CSF2RA: variants seen among roughly 807,000 people sequenced by gnomAD.
CSF2RA encodes colony stimulating factor 2 receptor subunit alpha.
CSF2RA carries 42 observed loss-of-function variants against 51.6 expected under a neutral mutation model. That is an observed-to-expected ratio of 0.81 (90% confidence interval 0.64 to 1.05). The LOEUF (loss-of-function observed/expected upper bound fraction) is 1.05. CSF2RA is among the 50% of genes least tolerant of loss of function. CSF2RA has a pLI of 0.00. For synonymous variants in CSF2RA, 222 were observed against 193.0 expected (o/e 1.15, Z -1.24); for missense variants, 530 against 501.1 (o/e 1.06, Z -0.55).
chrX:1,279,475 C>G (rs1480234194), intron 2 of CSF2RA, among the ~76,000 whole-genome samples: 3 of 152,014 alleles, frequency 2.0e-5, no homozygotes, highest in African/African-American at 7.2e-5. Context: ...CACCTGTTAC[C>G]ACCACCTGGG....
intron 9 of CSF2RA, among the ~76,000 whole-genome samples, chrX:1,295,883 C>A: frequency 7.8e-6 from 1 of 128,226 alleles, no homozygotes. Context: ...CTACAGTCCC[C>A]TACTCATGAC....
intron 2 of CSF2RA, among the ~76,000 whole-genome samples, chrX:1,280,892 C>CCTCCTCCTCCTTCTCCTT: frequency 7.4e-6 from 1 of 135,968 alleles, no homozygotes; most frequent in Non-Finnish European, 1.6e-5. Context: ...TCCTTCTCCT[C>CCTCCTCCTCCTTCTCCTT]CTCCTCCTCC....
At chrX:1,319,047 G>T in the CSF2RA span, among the ~76,000 whole-genome samples, 1 of 137,636 alleles carries the variant, frequency 7.3e-6, no homozygotes, top group Non-Finnish European at 1.7e-5. Flanking sequence ...CCAGGCTGGA[G>T]TACAGTGGCA....
intron 1 of CSF2RA, among the ~76,000 whole-genome samples, chrX:1,270,582 A>G (rs1238309483): frequency 1.3e-5 from 2 of 151,856 alleles, no homozygotes; most frequent in African/African-American, 4.8e-5. Flanking sequence ...CACACTATGA[A>G]AGCTTTTGTT....
At chrX:1,286,119 A>G (rs1175337684) in intron 4 of CSF2RA, among the ~76,000 whole-genome samples, 199 bp downstream of exon 4, 6 of 151,740 alleles carry the variant, frequency 4.0e-5, no homozygotes, top group African/African-American at 1.5e-4. Context: ...CTACAAATAC[A>G]AAATTAGCCG....
At position 1,277,534 on chromosome X, in the gene CSF2RA, T is replaced by G. The variant is rs781335580; in HGVS notation, c.-27+2716T>G. On this transcript the variant is annotated intron_variant, in intron 2 of 12. Coordinates refer to ENST00000381529, the MANE Select transcript of CSF2RA (RefSeq NM_172245.4). ...TGGCGTGAACCCGGGAGGCGATGCTTGCAGTGAGTGGAGATCATGCCACTA... is the reference window on the plus strand; with the variant it reads ...TGGCGTGAACCCGGGAGGCGATGCTGGCAGTGAGTGGAGATCATGCCACTA... Among the ~76,000 whole-genome samples the G allele has an allele frequency of 2.3e-5, 3 of 130,664 alleles. No homozygotes were observed. The South Asian group carries it at 7.4e-4, about 32-fold the overall frequency. 85.7% of individuals were successfully genotyped at this position (130,664 alleles called of 152,430 possible). A position where few individuals can be genotyped will look rare whatever the true frequency, so the allele number is the denominator to read the frequency against.
chrX:1,305,608 C>T (rs1259109655), intron 12 of CSF2RA, 81 bp downstream of exon 12: 1 of 1,613,760 alleles, frequency 6.2e-7, no homozygotes, highest in Non-Finnish European at 8.5e-7. Context: ...TGGGTGTCGA[C>T]CATCTTGCTT....
chrX:1,300,696 G>T, intron 10 of CSF2RA, 70 bp downstream of exon 10: 1 of 1,601,720 alleles, frequency 6.2e-7, no homozygotes, highest in Non-Finnish European at 8.6e-7. Context: ...ACAGAGGTCA[G>T]GTGCTCTGTC....
At position 1,290,429 on chromosome X, in the gene CSF2RA, G is replaced by C. The variant is rs147180621; in HGVS notation, c.566G>C (p.Arg189Pro). The change falls in exon 7 of 13, where the codon CGC (arginine) becomes CCC (proline). Residue 189 changes from arginine to proline, a missense_variant. Transcript: ENST00000381529. ...HLDNLSGLTS[R>P]NYFLVNGTSR... ...GATAACCTGTCAGGATTAACGTCTCGCAATTACTTTCTGGTTAACGGAACC... is the reference window on the plus strand; with the variant it reads ...GATAACCTGTCAGGATTAACGTCTCCCAATTACTTTCTGGTTAACGGAACC... The C allele has an allele frequency of 6.2e-7, 1 of 1,613,612 alleles. No homozygotes were observed. The highest frequency in any genetic ancestry group is 1.3e-5 in the African/African-American group (1 of 74,876).
At chrX:1,275,659 C>A (rs370470983) in intron 2 of CSF2RA, among the ~76,000 whole-genome samples, 7 of 150,474 alleles carry the variant, frequency 4.7e-5, no homozygotes, top group Non-Finnish European at 1.0e-4. Flanking sequence ...CCCGGGTTCA[C>A]GCCATTCTCC....
chrX:1,316,263 TAGATA>T, the CSF2RA span, among the ~76,000 whole-genome samples: 1 of 28,132 alleles, frequency 3.6e-5, no homozygotes, highest in South Asian at 1.5e-3. Flanking sequence ...AGATAGATGA[TAGATA>T]GATAGATAGA....
chrX:1,317,572 TA>T, the CSF2RA span, among the ~76,000 whole-genome samples: 199 of 109,138 alleles, frequency 1.8e-3, 5 homozygotes, highest in African/African-American at 7.9e-3. Flanking sequence ...TATTTTATTT[TA>T]TTTTTTTTTT....
intron 1 of CSF2RA, among the ~76,000 whole-genome samples, chrX:1,271,742 C>G (rs1160351832): frequency 1.3e-5 from 2 of 151,564 alleles, no homozygotes; most frequent in African/African-American, 4.8e-5. Context: ...GTCTGGAACT[C>G]CTGACTTCAA....
chrX:1,319,880 A>G, the CSF2RA span, among the ~76,000 whole-genome samples: 1 of 127,698 alleles, frequency 7.8e-6, no homozygotes, highest in African/African-American at 3.1e-5. Context: ...ACGCCTGGCT[A>G]ATTTGTTTGT....
downstream of CSF2RA, among the ~76,000 whole-genome samples, chrX:1,312,389 G>A (rs2084227822): frequency 6.6e-6 from 1 of 152,078 alleles, no homozygotes; most frequent in Non-Finnish European, 1.5e-5. Context: ...AGAACATGCT[G>A]GGGGCCATTA....
Position 1,285,885 on chromosome X carries a change from T to C in CSF2RA, c.184T>C (p.Leu62=). ...AAACACAACCTTCAGCAAGTGTTTC[T>C]TAACTGACAAGAAGAACAGAGTCGT... The part of the protein sequence containing the change: ...QENTTFSKCF[L]TDKKNRVVEP... The change falls in exon 4 of 13, where the codon TTA becomes CTA. Residue 62 remains leucine (L), a synonymous_variant. Coordinates refer to ENST00000381529, the MANE Select transcript of CSF2RA (RefSeq NM_172245.4). 6.2e-7 allele frequency: 1 copy of C among 1,613,910 alleles called. No homozygotes were observed. Among genetic ancestry groups the C allele is most frequent in the Non-Finnish European group, 8.5e-7 (1 of 1,179,862 alleles).
chrX:1,285,637 GCTTGCAGTGACC>G, intron 3 of CSF2RA, 129 bp from the exon 4 acceptor site: 14 of 1,006,680 alleles, frequency 1.4e-5, no homozygotes, highest in South Asian at 3.1e-5. Flanking sequence ...GGAGCTTGCA[GCTTGCAGTGACC>G]TGAGATCACA....
At chrX:1,292,939 G>A (rs1411271632) in intron 7 of CSF2RA, among the ~76,000 whole-genome samples, 3 of 152,196 alleles carry the variant, frequency 2.0e-5, no homozygotes, top group East Asian at 1.9e-4. Flanking sequence ...GACAATACCC[G>A]GGCTCTCTCG....
intron 12 of CSF2RA, among the ~76,000 whole-genome samples, chrX:1,308,629 C>G (rs2083915904): frequency 6.6e-6 from 1 of 152,128 alleles, no homozygotes; most frequent in Non-Finnish European, 1.5e-5. Flanking sequence ...GTAACATCCT[C>G]CTGGTTGCCA....
Sources: allele counts gnomAD v4.1 joint callset (sites outside exome capture counted in the v4.1 genomes callset), GRCh38; gene constraint gnomAD v4.1.1; transcripts MANE v1.5; gene names NCBI Gene and HGNC (gene_info 2026-07-23, HGNC 2026-07-21).